COL22A1: variants seen among roughly 807,000 people sequenced by gnomAD.
COL22A1 encodes collagen type XXII alpha 1 chain.
A neutral mutation model predicts 248.9 loss-of-function variants in COL22A1; 221 were observed. The ratio of observed to expected loss-of-function variants is 0.89; its 90% CI spans 0.80 to 0.99. COL22A1 has a LOEUF of 0.99. COL22A1 is among the 50% of genes least tolerant of loss of function. The pLI is 0.00. For synonymous variants in COL22A1, 891 were observed against 793.4 expected, an observed-to-expected ratio of 1.12 and a Z score of -2.07; for missense variants, 2,240 against 2,179.0, an observed-to-expected ratio of 1.03 and a Z score of -0.56.
At chr8:138,661,338 T>C (rs1298260933) in intron 43 of COL22A1, among the ~76,000 whole-genome samples, 1 of 152,196 alleles carries the variant, frequency 6.6e-6, no homozygotes, top group Admixed American at 6.5e-5. Flanking sequence ...GAACTAAAAC[T>C]ACAGAGATGA....
At chr8:138,887,950 G>T (rs935679102) in intron 1 of COL22A1, among the ~76,000 whole-genome samples, 1 of 152,142 alleles carries the variant, frequency 6.6e-6, no homozygotes, top group Non-Finnish European at 1.5e-5. Context: ...AGGCATTGTT[G>T]CTTGTTTCCC....
intron 3 of COL22A1, among the ~76,000 whole-genome samples, chr8:138,874,691 C>G (rs1823580314): frequency 6.6e-6 from 1 of 152,230 alleles, no homozygotes; most frequent in Non-Finnish European, 1.5e-5. Flanking sequence ...CTCTGCCCTG[C>G]TCCCAGCCCA....
chr8:138,713,733 G>T (rs553131951), intron 30 of COL22A1, among the ~76,000 whole-genome samples: 1 of 151,550 alleles, frequency 6.6e-6, no homozygotes, highest in Non-Finnish European at 1.5e-5. Context: ...CGCCGTAGGG[G>T]GTTCATGCAA....
chr8:138,720,851 C>G, intron 26 of COL22A1, 59 bp from the exon 27 acceptor site: 1 of 1,345,778 alleles, frequency 7.4e-7, no homozygotes, highest in Non-Finnish European at 1.1e-6. Flanking sequence ...TTAAACAACA[C>G]AAAGTACTAG....
At chr8:138,891,007 G>A (rs2132110288) in intron 1 of COL22A1, among the ~76,000 whole-genome samples, 1 of 151,502 alleles carries the variant, frequency 6.6e-6, no homozygotes, top group Middle Eastern at 3.5e-3. Flanking sequence ...TGGCGACAGA[G>A]TGAGACTCCG....
At chr8:138,841,865 G>C (rs1364160050) in intron 4 of COL22A1, among the ~76,000 whole-genome samples, 1 of 152,172 alleles carries the variant, frequency 6.6e-6, no homozygotes, top group Non-Finnish European at 1.5e-5. Flanking sequence ...GTCTGGGAGT[G>C]GCCAGTCCAT....
chr8:138,602,963 C>CT (rs1818154409), intron 59 of COL22A1, among the ~76,000 whole-genome samples: 1 of 152,236 alleles, frequency 6.6e-6, no homozygotes, highest in African/African-American at 2.4e-5. Flanking sequence ...CTGCCTGCCT[C>CT]TTAGACAGCA....
At chr8:138,660,553 G>C in intron 43 of COL22A1, 73 bp from the exon 44 acceptor site, 3 of 1,332,126 alleles carry the variant, frequency 2.3e-6, no homozygotes, top group South Asian at 2.4e-5. Context: ...CACACCCTCT[G>C]CCAATCTCTC....
intron 22 of COL22A1, among the ~76,000 whole-genome samples, chr8:138,742,462 T>TGTGATG (rs1346499924): frequency 1.5e-5 from 2 of 134,188 alleles, no homozygotes; most frequent in African/African-American, 5.9e-5. Context: ...TACTAGTGAT[T>TGTGATG]GTGATGGTGA....
At chr8:138,898,331 C>A (rs906450533) in intron 1 of COL22A1, among the ~76,000 whole-genome samples, 1 of 152,112 alleles carries the variant, frequency 6.6e-6, no homozygotes, top group Non-Finnish European at 1.5e-5. Context: ...ACCCTGGCAG[C>A]CCTTTGGTTA....
intron 12 of COL22A1, among the ~76,000 whole-genome samples, chr8:138,783,697 C>G (rs931557976): frequency 2.0e-5 from 3 of 152,208 alleles, no homozygotes; most frequent in Non-Finnish European, 4.4e-5. Context: ...CACACGGCCA[C>G]TGTGAAAAGT....
chr8:138,719,259 A>G (rs1414483483), intron 27 of COL22A1, among the ~76,000 whole-genome samples: 2 of 152,210 alleles, frequency 1.3e-5, no homozygotes, highest in African/African-American at 4.8e-5. Flanking sequence ...ATGAAAAAAA[A>G]ACACACAGCA....
chr8:138,703,343 T>A lies in COL22A1; in HGVS notation c.2522A>T (p.Glu841Val). 6.2e-7 allele frequency: 1 copy of A among 1,613,592 alleles called. No individual in the cohort carries two copies. Among genetic ancestry groups the A allele is most frequent in the South Asian group, 1.1e-5 (1 of 91,064 alleles). ...CCCGGGAGGGCCTGCAGGACCAGCT[T>A]CACCCTAGATGGAGAAATGGAAAAT... Reference protein sequence around the residue: ...GLKGDRGEKGEAGPAGPPGLP... With the variant: ...GLKGDRGEKGVAGPAGPPGLP... The change falls in exon 31 of 65, where the codon GAA (glutamate) becomes GTA (valine). Residue 841 changes from glutamate to valine, a missense_variant. Transcript: ENST00000303045.
chr8:138,817,369 T>G (rs536890181), intron 7 of COL22A1, among the ~76,000 whole-genome samples: 1 of 152,298 alleles, frequency 6.6e-6, no homozygotes, highest in South Asian at 2.1e-4. Context: ...ATACTGCAAC[T>G]GCCACCAGTC....
chr8:138,856,510 G>T (rs1822020381), intron 3 of COL22A1, among the ~76,000 whole-genome samples: 1 of 151,858 alleles, frequency 6.6e-6, no homozygotes, highest in Non-Finnish European at 1.5e-5. Context: ...CAGAGAGAGA[G>T]AGAAGCAGAG....
chr8:138,816,451 G>T (rs1818696241), intron 7 of COL22A1, among the ~76,000 whole-genome samples: 1 of 152,172 alleles, frequency 6.6e-6, no homozygotes, highest in African/African-American at 2.4e-5. Flanking sequence ...CTGCTGCATG[G>T]GTCTGCTTGG....
chr8:138,718,045 T>C (rs964011096), intron 27 of COL22A1, among the ~76,000 whole-genome samples: 2 of 152,060 alleles, frequency 1.3e-5, no homozygotes, highest in African/African-American at 4.8e-5. Context: ...ATGCAGGCTA[T>C]AAAGATTTTT....
chr8:138,728,024 G>T (rs967170590), intron 23 of COL22A1, among the ~76,000 whole-genome samples: 1 of 151,994 alleles, frequency 6.6e-6, no homozygotes, highest in African/African-American at 2.4e-5. Context: ...TCCAGGCAAT[G>T]TTTTTTTGTT....
intron 60 of COL22A1, among the ~76,000 whole-genome samples, chr8:138,599,876 C>T (rs1265149036): frequency 1.3e-5 from 2 of 152,214 alleles, no homozygotes; most frequent in Admixed American, 6.5e-5. Flanking sequence ...GAGTGCAGCT[C>T]CTCGGGCTGC....
Sources: allele counts gnomAD v4.1 joint callset (sites outside exome capture counted in the v4.1 genomes callset), GRCh38; gene constraint gnomAD v4.1.1; transcripts MANE v1.5; gene names NCBI Gene and HGNC (gene_info 2026-07-23, HGNC 2026-07-21).